The following LRRC7 variants were observed in gnomAD, a reference collection of about 807,000 sequenced individuals.
LRRC7 encodes the protein leucine-rich repeat-containing protein 7.
LRRC7 carries 23 observed loss-of-function variants against 175.7 expected under a neutral mutation model. The observed-to-expected ratio is 0.13, with a 90% CI of 0.09 to 0.19. The LOEUF is 0.19. Among genes scored for constraint, LRRC7 ranks in the 10% least tolerant of loss-of-function variants. LRRC7 has a pLI of 1.00. For missense variants in LRRC7, 1,354 were observed against 1,904.7 expected (o/e 0.71, Z 5.38); for synonymous variants, 685 against 680.9 (o/e 1.01, Z -0.09).
intron 7 of LRRC7, among the ~76,000 whole-genome samples, chr1:69,916,763 A>C (rs1000340910): frequency 6.6e-6 from 1 of 152,108 alleles, no homozygotes; most frequent in African/African-American, 2.4e-5. Context: ...TTATGTTGTG[A>C]ATAACATTGG....
intron 2 of LRRC7, among the ~76,000 whole-genome samples, chr1:69,711,726 G>A (rs1171390204): frequency 6.6e-6 from 1 of 152,182 alleles, no homozygotes; most frequent in Non-Finnish European, 1.5e-5. Flanking sequence ...AAATATTACA[G>A]TGTCTAGAGT....
chr1:70,112,799 AAAG>A (rs1376132087), intron 26 of LRRC7, among the ~76,000 whole-genome samples: 5 of 151,762 alleles, frequency 3.3e-5, no homozygotes, highest in Admixed American at 6.6e-5. Flanking sequence ...AACAGAAAGA[AAAG>A]GAGGAGGAGG....
intron 2 of LRRC7, among the ~76,000 whole-genome samples, chr1:69,728,828 T>G (rs1667254009): frequency 1.3e-5 from 2 of 152,208 alleles, no homozygotes; most frequent in South Asian, 4.1e-4. Context: ...ATAAGCTGGA[T>G]AATGGCAATA....
intron 26 of LRRC7, 143 bp from the exon 27 acceptor site, chr1:70,121,637 C>T (rs1666212965): frequency 1.7e-6 from 1 of 591,902 alleles, no homozygotes; most frequent in Non-Finnish European, 3.0e-6. Flanking sequence ...AAATTAGTTA[C>T]TTCCATAATT....
chr1:69,994,457 G>A, intron 10 of LRRC7, 104 bp from the exon 11 acceptor site: 1 of 830,566 alleles, frequency 1.2e-6, no homozygotes. Flanking sequence ...TGGCCAATTA[G>A]CATGCCAAGC....
At chr1:69,986,205 C>A in intron 9 of LRRC7, 37 bp from the exon 10 acceptor site, 1 of 1,588,632 alleles carries the variant, frequency 6.3e-7, no homozygotes, top group South Asian at 1.1e-5. Context: ...TTGTGAAAGT[C>A]TCTCAACTAA....
At chr1:69,654,534 A>G (rs1037219889) in intron 1 of LRRC7, among the ~76,000 whole-genome samples, 4 of 152,098 alleles carry the variant, frequency 2.6e-5, no homozygotes, top group African/African-American at 9.7e-5. Flanking sequence ...GTCTTATTGC[A>G]CAGATCATGT....
chr1:69,635,550 A>AT (rs1653208980), intron 1 of LRRC7, among the ~76,000 whole-genome samples: 1 of 152,136 alleles, frequency 6.6e-6, no homozygotes, highest in Non-Finnish European at 1.5e-5. Flanking sequence ...ACAAAAAAAG[A>AT]TTTTTTAATT....
intron 23 of LRRC7, among the ~76,000 whole-genome samples, chr1:70,066,560 T>A (rs1043501923): frequency 6.6e-6 from 1 of 152,050 alleles, no homozygotes; most frequent in Non-Finnish European, 1.5e-5. Flanking sequence ...GTATCAATAG[T>A]TCTTTCCTTT....
At chr1:69,645,120 T>C (rs2100451696) in intron 1 of LRRC7, among the ~76,000 whole-genome samples, 1 of 151,978 alleles carries the variant, frequency 6.6e-6, no homozygotes, top group East Asian at 1.9e-4. Context: ...GCCATGGTAG[T>C]ACAGTAAGAA....
At chr1:69,623,972 G>T (rs942046094) in intron 1 of LRRC7, among the ~76,000 whole-genome samples, 31 of 151,946 alleles carry the variant, frequency 2.0e-4, no homozygotes, top group African/African-American at 7.5e-4. Context: ...CTCATTTGGG[G>T]CTACTATAAA....
chr1:69,728,064 A>G (rs555977498), intron 2 of LRRC7, among the ~76,000 whole-genome samples: 14 of 152,144 alleles, frequency 9.2e-5, no homozygotes, highest in Non-Finnish European at 1.9e-4. Flanking sequence ...ATGTGTATTT[A>G]CTGGCAGTTT....
chr1:70,029,322 C>T (rs1658455311), intron 18 of LRRC7, among the ~76,000 whole-genome samples: 1 of 151,954 alleles, frequency 6.6e-6, no homozygotes, highest in Non-Finnish European at 1.5e-5. Flanking sequence ...TATAATGCTC[C>T]AAGTTTAGTT....
chr1:69,597,916 T>C (rs1481389215), intron 1 of LRRC7, among the ~76,000 whole-genome samples: 1 of 152,142 alleles, frequency 6.6e-6, no homozygotes, highest in East Asian at 1.9e-4. Context: ...ATCATAGTAA[T>C]AGAAAATAGG....
At chr1:69,734,152 C>G (rs1482095690) in intron 2 of LRRC7, among the ~76,000 whole-genome samples, 1 of 151,720 alleles carries the variant, frequency 6.6e-6, no homozygotes, top group South Asian at 2.1e-4. Context: ...ATTACTAAAG[C>G]AAAACACAGA....
intron 1 of LRRC7, 43 bp downstream of exon 1, chr1:69,568,684 G>GTCCCA: frequency 9.1e-6 from 7 of 769,664 alleles, no homozygotes; most frequent in Non-Finnish European, 1.2e-5. Context: ...GTGCTGCGGG[G>GTCCCA]GCCCGGCCGC....
chr1:69,577,489 C>A (rs1646002328), intron 1 of LRRC7, among the ~76,000 whole-genome samples: 1 of 152,142 alleles, frequency 6.6e-6, no homozygotes, highest in East Asian at 1.9e-4. Flanking sequence ...CCTAGGTTTT[C>A]TTCTAGGGTT....
chr1:69,574,102 G>A (rs557050827), intron 1 of LRRC7, among the ~76,000 whole-genome samples: 5 of 152,176 alleles, frequency 3.3e-5, no homozygotes, highest in Admixed American at 1.3e-4. Flanking sequence ...TAGGATACTT[G>A]TGTGTGTGGC....
At chr1:69,670,637 T>C (rs1054706076) in intron 1 of LRRC7, among the ~76,000 whole-genome samples, 12 of 152,178 alleles carry the variant, frequency 7.9e-5, no homozygotes, top group African/African-American at 2.4e-4. Flanking sequence ...AGAGGTCCCA[T>C]CTGGGAGCCA....
Sources: allele counts gnomAD v4.1 joint callset (sites outside exome capture counted in the v4.1 genomes callset), GRCh38; gene constraint gnomAD v4.1.1; transcripts MANE v1.5; gene names NCBI Gene and HGNC (gene_info 2026-07-23, HGNC 2026-07-21).